The following IFIT3 variants were observed in gnomAD, a reference collection of about 807,000 sequenced individuals.
IFIT3 encodes interferon-induced protein with tetratricopeptide repeats 3.
A neutral mutation model predicts 2.4 loss-of-function variants in IFIT3; 2 were observed. The ratio of observed to expected loss-of-function variants is 0.82; its 90% CI spans 0.34 to 2.60. The LOEUF (loss-of-function observed/expected upper bound fraction) is 2.60, where lower values mean the gene tolerates loss of function less well. Ranked by LOEUF, IFIT3 falls within the 30% of genes most tolerant of loss-of-function variation. The probability of loss-of-function intolerance (pLI) is 0.11; values close to 1 mark genes in which losing one functional copy is unlikely to be tolerated. For synonymous variants in IFIT3, 203 were observed against 212.1 expected (o/e 0.96, Z 0.37); for missense variants, 481 against 562.4 (o/e 0.86, Z 1.46).
At chr10:89,329,423 G>A (rs1298529417) in intron 1 of IFIT3, among the ~76,000 whole-genome samples, 1 of 152,186 alleles carries the variant, frequency 6.6e-6, no homozygotes, top group Non-Finnish European at 1.5e-5. Flanking sequence ...ACAGGGTCCT[G>A]TCTTTAGGTG....
Position 89,338,887 on chromosome 10 carries a change from G to A in IFIT3, c.232G>A (p.Glu78Lys), listed in dbSNP as rs764785273. ...EAALECLRQAEELIQQEHADQ... is the reference protein window; with the variant it reads ...EAALECLRQAKELIQQEHADQ... ...AGCCCTGGAATGCTTACGGCAAGCTGAAGAGTTAATCCAGCAAGAACATGC... is the reference window on the plus strand; with the variant it reads ...AGCCCTGGAATGCTTACGGCAAGCTAAAGAGTTAATCCAGCAAGAACATGC... Residue 78 changes from glutamate (E) to lysine (K), a missense_variant, in exon 2 of 2, where the codon GAA (glutamate) becomes AAA (lysine). Coordinates refer to ENST00000371818, the MANE Select transcript of IFIT3 (RefSeq NM_001549.6). 27 of 1,614,152 alleles carry A rather than the reference G, an allele frequency of 1.7e-5. No individual in the cohort carries two copies. Among genetic ancestry groups the A allele is most frequent in the Middle Eastern group, 1.6e-4 (1 of 6,062 alleles).
rs1309113209 is a variant in IFIT3, at chr10:89,340,631, A to C, written c.*503A>C. ...AGTTCATTACAGTTACATAGTCCGA[A>C]GGTCTTACAACTAATCACTGGTAGC... is the stretch of plus-strand genomic sequence containing the variant. On this transcript the variant is annotated 3_prime_UTR_variant, in exon 2 of 2. Coordinates refer to ENST00000371818, the MANE Select transcript of IFIT3 (RefSeq NM_001549.6). 2 of 152,148 alleles carry C rather than the reference A, an allele frequency of 1.3e-5. No homozygotes were observed. 9.4% of individuals were successfully genotyped at this position (152,148 alleles called of 1,614,324 possible).
chr10:89,337,464 A>T (rs1329344354), intron 1 of IFIT3, among the ~76,000 whole-genome samples: 1 of 152,044 alleles, frequency 6.6e-6, no homozygotes, highest in Non-Finnish European at 1.5e-5. Flanking sequence ...TAATGGTGTG[A>T]TCTCAGCTCA....
rs1169398363 is a variant in IFIT3, at chr10:89,340,184, G to T, written c.*56G>T. ...CTGCAGTGGTGGTTGTGACGGGTAGGACGATAGGAAGACAGGGGGCCCCAA... is the reference window on the plus strand; with the variant it reads ...CTGCAGTGGTGGTTGTGACGGGTAGTACGATAGGAAGACAGGGGGCCCCAA... On this transcript the variant is annotated 3_prime_UTR_variant, in exon 2 of 2. Transcript: ENST00000371818. The T allele has an allele frequency of 1.3e-6, 2 of 1,513,076 alleles. No homozygotes were observed. The highest frequency in any genetic ancestry group is 1.8e-6 in the Non-Finnish European group (2 of 1,132,900). 93.7% of individuals were successfully genotyped at this position (1,513,076 alleles called of 1,614,324 possible). A position where few individuals can be genotyped will look rare whatever the true frequency, so the allele number is the denominator to read the frequency against.
At chr10:89,334,176 G>C (rs1254257825) in intron 1 of IFIT3, among the ~76,000 whole-genome samples, 2 of 152,252 alleles carry the variant, frequency 1.3e-5, no homozygotes, top group Non-Finnish European at 2.9e-5. Context: ...CTGGGAAGGA[G>C]ATGTGGTATC....
chr10:89,338,979 C>A lies in IFIT3; in HGVS notation c.324C>A (p.Gly108=). 1 of 1,614,124 alleles carries A rather than the reference C, an allele frequency of 6.2e-7. No individual in the cohort carries two copies. The highest frequency in any genetic ancestry group is 8.5e-7 in the Non-Finnish European group (1 of 1,179,984). Residue 108 remains glycine (G), a synonymous_variant, in exon 2 of 2, where the codon GGC becomes GGA. Transcript: ENST00000371818. ...GNYAWVYYHL[G]RLSDAQIYVD... Reference sequence around the variant, plus strand: ...ACGCCTGGGTCTACTATCACTTGGGCAGACTCTCAGATGCTCAGATTTATG... The same window carrying A: ...ACGCCTGGGTCTACTATCACTTGGGAAGACTCTCAGATGCTCAGATTTATG...
intron 1 of IFIT3, among the ~76,000 whole-genome samples, chr10:89,332,236 T>C (rs543263444): frequency 1.3e-5 from 2 of 152,314 alleles, no homozygotes; most frequent in South Asian, 4.1e-4. Context: ...GCAACAGTCA[T>C]GCACCTGAGA....
rs374885282 is a variant in IFIT3 at position 89,338,647 on chromosome 10, T to G, written c.6-14T>G. On this transcript the variant is annotated splice_polypyrimidine_tract_variant and intron_variant, in intron 1 of 1. Transcript: ENST00000371818. ...CAGTGTACATCACAGTGACCATGTT[T>G]ATTTTCTCCACAGTGAGGTCACCAA... The G allele has an allele frequency of 6.2e-6, 10 of 1,601,978 alleles. No individual in the cohort carries two copies. In the African/African-American group the frequency reaches 1.1e-4, roughly 17 times the overall value.
chr10:89,333,591 T>C (rs1404388225), intron 1 of IFIT3, among the ~76,000 whole-genome samples: 2 of 152,078 alleles, frequency 1.3e-5, no homozygotes, highest in Middle Eastern at 3.2e-3. Flanking sequence ...TCCCAGCACT[T>C]TGGGAGGCTG....
At chr10:89,331,563 G>A (rs756993703) in intron 1 of IFIT3, among the ~76,000 whole-genome samples, 41 of 152,122 alleles carry the variant, frequency 2.7e-4, no homozygotes, top group Non-Finnish European at 4.1e-4. Flanking sequence ...ATATTCTTTT[G>A]TAAAGAGGTA....
At position 89,337,502 on chromosome 10, in the gene IFIT3, T is replaced by C. The variant is rs1843761487; in HGVS notation, c.6-1159T>C. ...ACAACTTTTGCCTCCTGGGCTCAAG[T>C]GATCCTCCTGTCTCAGCCTCCCGAA... On this transcript the variant is annotated intron_variant, in intron 1 of 1. Transcript: ENST00000371818. Among the ~76,000 whole-genome samples, 4 of 152,336 alleles carry C rather than the reference T, an allele frequency of 2.6e-5. No individual in the cohort carries two copies. The South Asian group carries it at 8.3e-4, about 32-fold the overall frequency.
In IFIT3 at chr10:89,339,489, T is replaced by A. The variant is rs1258127746; in HGVS notation, c.834T>A (p.Tyr278Ter). ...CCACACCAAACAATGGCTACCTCTATCACCAGATTGGGTGCTGCTACAAGG... is the reference window on the plus strand; with the variant it reads ...CCACACCAAACAATGGCTACCTCTAACACCAGATTGGGTGCTGCTACAAGG... Reference protein sequence around the residue: ...LESTPNNGYLYHQIGCCYKAK... With the variant: ...LESTPNNGYL Residue 278 changes from tyrosine (Y) to a stop codon, truncating the protein, a stop_gained, in exon 2 of 2, where the codon TAT becomes TAA. Coordinates refer to ENST00000371818, the MANE Select transcript of IFIT3 (RefSeq NM_001549.6). LOFTEE classifies it low-confidence loss of function (END_TRUNC). 1 of 1,613,956 alleles carries A rather than the reference T, an allele frequency of 6.2e-7. No individual in the cohort carries two copies. The highest frequency in any genetic ancestry group is 2.2e-5 in the East Asian group (1 of 44,878).
At chr10:89,336,789 A>C (rs961185363) in intron 1 of IFIT3, among the ~76,000 whole-genome samples, 1 of 152,188 alleles carries the variant, frequency 6.6e-6, no homozygotes, top group African/African-American at 2.4e-5. Flanking sequence ...GAAATCCAAA[A>C]ATAAGGACAC....
intron 1 of IFIT3, among the ~76,000 whole-genome samples, chr10:89,330,062 G>A (rs1385583244): frequency 1.3e-5 from 2 of 152,142 alleles, no homozygotes; most frequent in African/African-American, 4.8e-5. Context: ...GCAGGAACAG[G>A]CCATTTTCAC....
At position 89,334,370 on chromosome 10, in the gene IFIT3, A is replaced by G. The variant is rs575456501; in HGVS notation, c.6-4291A>G. 2.4e-4 allele frequency among the ~76,000 whole-genome samples: 36 copies of G among 150,306 alleles called. No individual in the cohort carries two copies. In the South Asian group the frequency reaches 2.5e-3, roughly 11 times the overall value. On this transcript the variant is annotated intron_variant, in intron 1 of 1. Transcript: ENST00000371818. ...CTCTTTCTGGACCTGAGGGAATCCT[A>G]TCTCCCTAAGGTCTTCTACTAGATG...
rs749945253 is a variant in IFIT3, at chr10:89,338,901, G to C, written c.246G>C (p.Gln82His). 6.2e-7 allele frequency: 1 copy of C among 1,614,164 alleles called. No homozygotes were observed. ...TACGGCAAGCTGAAGAGTTAATCCA[G>C]CAAGAACATGCTGACCAAGCAGAAA... is the stretch of plus-strand genomic sequence containing the variant. The part of the protein sequence containing the change: ...ECLRQAEELI[Q>H]QEHADQAEIR... The change falls in exon 2 of 2, where the codon CAG (glutamine) becomes CAC (histidine). Residue 82 changes from glutamine to histidine, a missense_variant. Coordinates refer to ENST00000371818, the MANE Select transcript of IFIT3 (RefSeq NM_001549.6).
intron 1 of IFIT3, chr10:89,332,688 A>C: frequency 6.6e-7 from 1 of 1,523,800 alleles, no homozygotes; most frequent in Non-Finnish European, 9.1e-7. Flanking sequence ...TTCCTGACTT[A>C]TGCTATTTCA....
In IFIT3 at chr10:89,340,060, G is replaced by C. The variant is rs937341885; in HGVS notation, c.1405G>C (p.Glu469Gln). 1 of 1,613,972 alleles carries C rather than the reference G, an allele frequency of 6.2e-7. No individual in the cohort carries two copies. Among genetic ancestry groups the C allele is most frequent in the African/African-American group, 1.3e-5 (1 of 74,932 alleles). Residue 469 changes from glutamate (E) to glutamine (Q), a missense_variant, in exon 2 of 2, where the codon GAA becomes CAA. Glu to Gln is a conservative substitution (Grantham distance 29). Transcript: ENST00000371818. The stretch of plus-strand genomic sequence containing the variant: ...ATCTGAGCTTGAGGATGGTAGTGAG[G>C]AAATGGGCCAGGGCGCAGTCAGCTC... ...SASELEDGSE[E>Q]MGQGAVSSSP...
chr10:89,337,078 G>A (rs1843754084), intron 1 of IFIT3, among the ~76,000 whole-genome samples: 1 of 152,148 alleles, frequency 6.6e-6, no homozygotes, highest in Admixed American at 6.5e-5. Flanking sequence ...TGTGTGGTGG[G>A]GAGACTACTT....
Sources: allele counts gnomAD v4.1 joint callset (sites outside exome capture counted in the v4.1 genomes callset), GRCh38; gene constraint gnomAD v4.1.1; transcripts MANE v1.5; gene names NCBI Gene and HGNC (gene_info 2026-07-23, HGNC 2026-07-21).